Variants in AHNAK observed in about 807,000 individuals in gnomAD.
AHNAK encodes AHNAK nucleoprotein, also known as neuroblast differentiation-associated protein AHNAK.
A neutral mutation model predicts 37.8 loss-of-function variants in AHNAK; 23 were observed. The observed-to-expected ratio is 0.61, with a 90% CI of 0.44 to 0.86. AHNAK has a LOEUF of 0.86. Among genes scored for constraint, AHNAK ranks in the 40% least tolerant of loss-of-function variants. AHNAK has a pLI of 0.00. For synonymous variants in AHNAK, 2,481 were observed against 2,636.3 expected (o/e 0.94, Z 1.80); for missense variants, 7,411 against 7,319.4 (o/e 1.01, Z -0.46).
At chr11:62,448,575 GC>G (rs1938465805) in intron 5 of AHNAK, among the ~76,000 whole-genome samples, 1 of 152,170 alleles carries the variant, frequency 6.6e-6, no homozygotes, top group African/African-American at 2.4e-5. Flanking sequence ...AGGCAGGCGG[GC>G]TGATACTATT....
intron 5 of AHNAK, among the ~76,000 whole-genome samples, chr11:62,446,633 T>G (rs1034387784): frequency 4.6e-5 from 7 of 152,042 alleles, no homozygotes; most frequent in African/African-American, 9.7e-5. Context: ...ATGAGGGGGA[T>G]CTGTCCTGGC....
intron 4 of AHNAK, among the ~76,000 whole-genome samples, chr11:62,500,782 GTGTGGACAGGGAACCAGCAGAAGCCTCTA>G (rs1430613523): frequency 4.6e-5 from 7 of 152,194 alleles, no homozygotes; most frequent in Non-Finnish European, 7.3e-5. Context: ...AGCTTACTCT[GTGTGGACAGGGAACCAGCAGAAGCCTCTA>G]TGTCAGCTGA....
At position 62,521,264 on chromosome 11, in the gene AHNAK, T is replaced by C. The variant is rs764794703; in HGVS notation, c.13153A>G (p.Ile4385Val). The C allele has an allele frequency of 1.2e-6, 2 of 1,613,572 alleles. No individual in the cohort carries two copies. The highest frequency in any genetic ancestry group is 1.7e-6 in the Non-Finnish European group (2 of 1,179,954). ...TTAAAGTCAATGTCAGGCATGGAGA[T>C]TTTGGGGGCCTTGATGTTCATCTCT... ...MPEMNIKAPK[I>V]SMPDIDFNLK... Residue 4385 changes from isoleucine (I) to valine (V), a missense_variant, in exon 5 of 5, where the codon ATC becomes GTC. Physicochemically the swap from Ile to Val is conservative, Grantham distance 29. Coordinates refer to ENST00000378024, the MANE Select transcript of AHNAK (RefSeq NM_001620.3).
At chr11:62,469,465 T>C (rs942244030) in intron 5 of AHNAK, among the ~76,000 whole-genome samples, 1 of 151,556 alleles carries the variant, frequency 6.6e-6, no homozygotes, top group African/African-American at 2.4e-5. Flanking sequence ...TAATTTTTGT[T>C]TGTTTGTTTG....
At chr11:62,433,786 T>C (rs1409364077) in exon 6 of AHNAK, 1 of 1,549,504 alleles carries the variant, frequency 6.5e-7, no homozygotes, top group African/African-American at 1.4e-5. Context: ...TTGTTGCCCT[T>C]GGCACAGCAA....
At chr11:62,481,765 G>A (rs1939281781) in intron 5 of AHNAK, among the ~76,000 whole-genome samples, 1 of 151,416 alleles carries the variant, frequency 6.6e-6, no homozygotes, top group African/African-American at 2.4e-5. Context: ...TTTTAGTAGA[G>A]ACGGGGTTTC....
At position 62,528,950 on chromosome 11, in the gene AHNAK, C is replaced by T. The variant is rs1352464689; in HGVS notation, c.5467G>A (p.Glu1823Lys). 6.2e-7 allele frequency: 1 copy of T among 1,614,050 alleles called. No homozygotes were observed. Among genetic ancestry groups the T allele is most frequent in the Non-Finnish European group, 8.5e-7 (1 of 1,180,036 alleles). Residue 1823 changes from glutamate (E) to lysine (K), a missense_variant, in exon 5 of 5, where the codon GAA (glutamate) becomes AAA (lysine). Transcript: ENST00000378024. The stretch of plus-strand genomic sequence containing the variant: ...AGATCAACATCGGGCACCTCCGCTT[C>T]CACAAAAGGACCTTTGACATCAACT... ...PQVDVKGPFV[E>K]AEVPDVDLEC...
chr11:62,510,889 C>T (rs549187122), intron 4 of AHNAK, among the ~76,000 whole-genome samples: 180 of 151,384 alleles, frequency 1.2e-3, no homozygotes, highest in Non-Finnish European at 1.5e-3. Flanking sequence ...TGCAACTTCT[C>T]GGTAGATTTG....
chr11:62,491,972 C>A, intron 4 of AHNAK: 1 of 675,464 alleles, frequency 1.5e-6, no homozygotes, highest in Admixed American at 2.8e-5. Flanking sequence ...CCCAACCCAG[C>A]CCAAGCTCCA....
intron 5 of AHNAK, among the ~76,000 whole-genome samples, chr11:62,454,276 G>A (rs971725837): frequency 2.0e-5 from 3 of 151,324 alleles, no homozygotes; most frequent in East Asian, 1.9e-4. Flanking sequence ...AGCCGGGCGT[G>A]GTGGCGGGCG....
In AHNAK at chr11:62,525,377, G is replaced by C. The variant is rs763649627; in HGVS notation, c.9040C>G (p.Gln3014Glu). The part of the protein sequence containing the change: ...VDIDVPDVGV[Q>E]GPDWHLKMPK... The stretch of plus-strand genomic sequence containing the variant: ...ATTTTTAGGTGCCAGTCTGGGCCTT[G>C]AACGCCCACATCCGGGACATCAATG... The change falls in exon 5 of 5, where the codon CAA becomes GAA. Residue 3014 changes from glutamine (Q) to glutamate (E), a missense_variant. Coordinates refer to ENST00000378024, the MANE Select transcript of AHNAK (RefSeq NM_001620.3). 6.2e-7 allele frequency: 1 copy of C among 1,613,258 alleles called. No individual in the cohort carries two copies. Among genetic ancestry groups the C allele is most frequent in the African/African-American group, 1.3e-5 (1 of 74,608 alleles).
Position 62,482,135 on chromosome 11 carries a change from C to G in AHNAK, c.442+9597G>C, listed in dbSNP as rs540548260. Among the ~76,000 whole-genome samples the G allele has an allele frequency of 1.1e-4, 16 of 152,270 alleles. No individual in the cohort carries two copies. The South Asian group carries it at 3.1e-3, about 30-fold the overall frequency. On this transcript the variant is annotated intron_variant, in intron 5 of 5. Transcript: ENST00000257247. ...AAACCTTCATCAAGATGTATTTAGG[C>G]CGGGTGCAGTGGCTCACATCTGTAA...
rs749305629 is a variant in AHNAK, at chr11:62,527,405, C to G, written c.7012G>C (p.Glu2338Gln). Residue 2338 changes from glutamate (E) to glutamine (Q), a missense_variant, in exon 5 of 5, where the codon GAG becomes CAG. Glu to Gln is a conservative substitution (Grantham distance 29). Transcript: ENST00000378024. ...AATTCTGGACCTTTTAACTCTCCCT[C>G]CAGCTTTGGGGCAGAAACATCAACA... ...GDVDVSAPKL[E>Q]GELKGPELDV... The G allele has an allele frequency of 6.2e-7, 1 of 1,614,190 alleles. No homozygotes were observed. Among genetic ancestry groups the G allele is most frequent in the Non-Finnish European group, 8.5e-7 (1 of 1,180,024 alleles).
chr11:62,524,121 G>A lies in AHNAK; in HGVS notation c.10296C>T (p.Asp3432=). ...LNLKSPKVKG[D]LDIAGPNLEG... is the part of the protein sequence containing the mutation. ...CTAAATTGGGACCTGCAATATCTAAGTCTCCTTTGACTTTGGGACTTTTCA... is the reference window on the plus strand; with the variant it reads ...CTAAATTGGGACCTGCAATATCTAAATCTCCTTTGACTTTGGGACTTTTCA... The change falls in exon 5 of 5, where the codon GAC becomes GAT. Residue 3432 remains aspartate, a synonymous_variant. Coordinates refer to ENST00000378024, the MANE Select transcript of AHNAK (RefSeq NM_001620.3). The A allele has an allele frequency of 6.2e-7, 1 of 1,614,056 alleles. No individual in the cohort carries two copies.
At chr11:62,451,667 G>T (rs984411067) in intron 5 of AHNAK, among the ~76,000 whole-genome samples, 2 of 149,436 alleles carry the variant, frequency 1.3e-5, no homozygotes, top group African/African-American at 4.9e-5. Flanking sequence ...GAACCAGAAG[G>T]TGGAGGTTGC....
At chr11:62,543,963 G>A (rs555761916) in intron 1 of AHNAK, among the ~76,000 whole-genome samples, 6 of 152,086 alleles carry the variant, frequency 3.9e-5, no homozygotes, top group African/African-American at 1.4e-4. Context: ...TAGCTCTCCC[G>A]GTCTGTCTCT....
chr11:62,488,478 T>G (rs1184306431), intron 5 of AHNAK, among the ~76,000 whole-genome samples: 1 of 151,766 alleles, frequency 6.6e-6, no homozygotes, highest in Non-Finnish European at 1.5e-5. Flanking sequence ...CCCAGTTCAC[T>G]GCAGCCTCCG....
In AHNAK at chr11:62,531,513, C is replaced by G. The variant is rs142289270; in HGVS notation, c.2904G>C (p.Val968=). The G allele has an allele frequency of 3.2e-5, 51 of 1,614,202 alleles. No individual in the cohort carries two copies. The highest frequency in any genetic ancestry group is 4.3e-5 in the Non-Finnish European group (51 of 1,180,050). The part of the protein sequence containing the change: ...PKVKGEYDMT[V]PKLEGDLKGP... ...CTTTCAGGTCCCCTTCCAGCTTTGG[C>G]ACTGTCATATCATATTCTCCCTTTA... The change falls in exon 5 of 5, where the codon GTG becomes GTC. Residue 968 remains valine, a synonymous_variant. Transcript: ENST00000378024.
intron 5 of AHNAK, among the ~76,000 whole-genome samples, chr11:62,439,968 G>A (rs572331570): frequency 9.9e-5 from 15 of 152,178 alleles, no homozygotes; most frequent in Middle Eastern, 3.4e-3. Flanking sequence ...GTGCCCGGCC[G>A]CATTTGTCTT....
Sources: allele counts gnomAD v4.1 joint callset (sites outside exome capture counted in the v4.1 genomes callset), GRCh38; gene constraint gnomAD v4.1.1; transcripts MANE v1.5; gene names NCBI Gene and HGNC (gene_info 2026-07-23, HGNC 2026-07-21).